ZNF483: variants seen among roughly 807,000 people sequenced by gnomAD.
ZNF483 encodes zinc finger protein 483.
A neutral mutation model predicts 28.6 loss-of-function variants in ZNF483; 9 were observed. The ratio of observed to expected loss-of-function variants is 0.32; its 90% CI spans 0.19 to 0.55. The LOEUF (loss-of-function observed/expected upper bound fraction) is 0.55, where lower values mean the gene tolerates loss of function less well. ZNF483 is among the 20% of genes least tolerant of loss of function. The pLI is 0.93. For missense variants in ZNF483, 675 were observed against 871.7 expected (o/e 0.77, Z 2.84); for synonymous variants, 322 against 306.2 (o/e 1.05, Z -0.54).
chr9:111,566,447 A>G (rs1165173978), intron 5 of ZNF483, among the ~76,000 whole-genome samples: 1 of 152,220 alleles, frequency 6.6e-6, no homozygotes, highest in Non-Finnish European at 1.5e-5. Context: ...TGGAGGAGCA[A>G]TCTATTCTTT....
rs769215025 is a variant in ZNF483, at chr9:111,533,725, G to A, written c.502-14G>A. On this transcript the variant is annotated splice_polypyrimidine_tract_variant and intron_variant, in intron 3 of 5. Coordinates refer to ENST00000309235, the MANE Select transcript of ZNF483 (RefSeq NM_133464.5). ...GGGAATAATCCAATACAAAAGAGCT[G>A]TTTGGTGTTCTAGGAATCTATAACA... is the stretch of plus-strand genomic sequence containing the variant. 1.0e-5 allele frequency: 16 copies of A among 1,547,584 alleles called. No homozygotes were observed. Among genetic ancestry groups the A allele is most frequent in the Non-Finnish European group, 1.4e-5 (16 of 1,158,376 alleles).
intron 5 of ZNF483, among the ~76,000 whole-genome samples, chr9:111,560,932 G>A (rs1828267166): frequency 1.6e-5 from 2 of 127,568 alleles, no homozygotes; most frequent in South Asian, 2.5e-4. Flanking sequence ...AACAGAGTGA[G>A]ACTCCATCTA....
rs577899621 is a variant in ZNF483 at position 111,525,482 on chromosome 9, G to A, written c.-129+220G>A. 4.4e-4 allele frequency among the ~76,000 whole-genome samples: 61 copies of A among 139,782 alleles called. 2 individuals carry two copies. The Middle Eastern group carries it at 0.017, about 40-fold the overall frequency. 91.7% of individuals were successfully genotyped at this position (139,782 alleles called of 152,430 possible). On this transcript the variant is annotated intron_variant, in intron 1 of 5. Transcript: ENST00000309235. ...TTGGGCACTGTTGACATTTTGGGCG[G>A]GATAATGCCTTGTTTTGTTTGTGGT...
At position 111,530,814 on chromosome 9, in the gene ZNF483, TAA is replaced by T. The variant is rs560664019; in HGVS notation, c.413-60_413-59del. 194 of 195,838 alleles carry T rather than the reference TAA, an allele frequency of 9.9e-4. 6 individuals are homozygous for T. Among genetic ancestry groups the T allele is most frequent in the Non-Finnish European group, 1.4e-3 (130 of 94,060 alleles). 12.1% of individuals were successfully genotyped at this position (195,838 alleles called of 1,614,324 possible). A position where few individuals can be genotyped will look rare whatever the true frequency, so the allele number is the denominator to read the frequency against. On this transcript the variant is annotated intron_variant, in intron 2 of 5. Transcript: ENST00000309235. ...ATATATATATATACATATATATATA[TAA>T]GATTTTTAGTCTGAGGAATCTGTAT...
chr9:111,572,595 A>C (rs1192093914), intron 5 of ZNF483, among the ~76,000 whole-genome samples: 2 of 151,646 alleles, frequency 1.3e-5, no homozygotes, highest in South Asian at 2.1e-4. Flanking sequence ...GTCTCAAAAC[A>C]AAACAAAAAA....
At chr9:111,565,987 G>C (rs917560528) in intron 5 of ZNF483, among the ~76,000 whole-genome samples, 6 of 152,076 alleles carry the variant, frequency 3.9e-5, no homozygotes, top group Admixed American at 6.6e-5. Context: ...TGAGGCAGGA[G>C]AATCACTTGA....
intron 3 of ZNF483, among the ~76,000 whole-genome samples, chr9:111,531,882 C>G (rs771824688): frequency 3.3e-5 from 5 of 152,186 alleles, no homozygotes; most frequent in Admixed American, 6.5e-5. Flanking sequence ...TGGGGTCTTG[C>G]TGTGTTGCCC....
In ZNF483 at chr9:111,549,644, G is replaced by A; in HGVS notation, c.*6474G>A. On this transcript the variant is annotated 3_prime_UTR_variant, in exon 6 of 6. Transcript: ENST00000309235. ...CTCTTCTGGGGCAGCGGTCGTGGTGGTGGTGGCAGCGGCAGCAGGGTTCCC... is the reference window on the plus strand; with the variant it reads ...CTCTTCTGGGGCAGCGGTCGTGGTGATGGTGGCAGCGGCAGCAGGGTTCCC... 4.0e-6 allele frequency: 5 copies of A among 1,256,590 alleles called. No homozygotes were observed. Among genetic ancestry groups the A allele is most frequent in the Non-Finnish European group, 5.6e-6 (5 of 899,150 alleles). 77.8% of individuals were successfully genotyped at this position (1,256,590 alleles called of 1,614,324 possible).
chr9:111,536,494 C>T (rs551043141), intron 5 of ZNF483, among the ~76,000 whole-genome samples: 55 of 152,276 alleles, frequency 3.6e-4, no homozygotes, highest in Non-Finnish European at 5.4e-4. Flanking sequence ...CACAGCACTC[C>T]AGCCTGGGCG....
rs1217236161 is a variant in ZNF483, at chr9:111,551,151, C to G, written c.*7981C>G. Among the ~76,000 whole-genome samples the G allele has an allele frequency of 7.2e-5, 11 of 152,068 alleles. No homozygotes were observed. The highest frequency in any genetic ancestry group is 7.2e-4 in the Admixed American group (11 of 15,272). On this transcript the variant is annotated 3_prime_UTR_variant, in exon 6 of 6. Coordinates refer to ENST00000309235, the MANE Select transcript of ZNF483 (RefSeq NM_133464.5). Reference sequence around the variant, plus strand: ...TGTATTTTACTTCACCCAATATATCCATAATATTATTTCATCATGTAATCA... The same window carrying G: ...TGTATTTTACTTCACCCAATATATCGATAATATTATTTCATCATGTAATCA...
At position 111,550,640 on chromosome 9, in the gene ZNF483, G is replaced by T. The variant is rs560227179; in HGVS notation, c.*7470G>T. Among the ~76,000 whole-genome samples, 4 of 152,266 alleles carry T rather than the reference G, an allele frequency of 2.6e-5. No individual in the cohort carries two copies. Among genetic ancestry groups the T allele is most frequent in the African/African-American group, 9.6e-5 (4 of 41,566 alleles). ...ATGTAATTATTATCTAGGTGGAGAG[G>T]TGGATTCCTGGGCCACTCTATCCAT... On this transcript the variant is annotated 3_prime_UTR_variant, in exon 6 of 6. Transcript: ENST00000309235.
intron 5 of ZNF483, among the ~76,000 whole-genome samples, chr9:111,561,004 GAGAGA>G (rs1828280546): frequency 1.0e-5 from 1 of 99,206 alleles, no homozygotes; most frequent in Non-Finnish European, 2.0e-5. Context: ...GAGAGAGAGA[GAGAGA>G]GAGAGAGAGG....
rs1235015821 is a variant in ZNF483 at position 111,553,034 on chromosome 9, A to C, written c.*9864A>C. Among the ~76,000 whole-genome samples the C allele has an allele frequency of 5.3e-5, 8 of 152,184 alleles. No homozygotes were observed. The highest frequency in any genetic ancestry group is 5.2e-4 in the Admixed American group (8 of 15,276). Reference sequence around the variant, plus strand: ...CAGGTTTACAAACTCAGACCCTTTTAAAAGTTGTTTAAATTGTTTTGTTAG... The same window carrying C: ...CAGGTTTACAAACTCAGACCCTTTTCAAAGTTGTTTAAATTGTTTTGTTAG... On this transcript the variant is annotated 3_prime_UTR_variant, in exon 6 of 6. Coordinates refer to ENST00000309235, the MANE Select transcript of ZNF483 (RefSeq NM_133464.5).
In ZNF483 at chr9:111,534,143, C is replaced by G. The variant is rs1827419137; in HGVS notation, c.629-118C>G. On this transcript the variant is annotated intron_variant, in intron 4 of 5. Transcript: ENST00000309235. ...TTGTCTCAAGTTCCAGTATTTATGT[C>G]TGTGTATTTTGGTAGCATGTTTTTA... 4 of 896,516 alleles carry G rather than the reference C, an allele frequency of 4.5e-6. No homozygotes were observed. In the Admixed American group the frequency reaches 9.2e-5, roughly 21 times the overall value. The allele number at this position is 896,516 out of a possible 1,614,324, so 55.5% of individuals were successfully genotyped here.
rs1409354454 is a variant in ZNF483 at position 111,552,985 on chromosome 9, G to A, written c.*9815G>A. Reference sequence around the variant, plus strand: ...TCTAAGGTTCTTTGTAGATGCATGTGTAAGAAGCTATTTTATAGCTTGCCA... The same window carrying A: ...TCTAAGGTTCTTTGTAGATGCATGTATAAGAAGCTATTTTATAGCTTGCCA... On this transcript the variant is annotated 3_prime_UTR_variant, in exon 6 of 6. Transcript: ENST00000309235. Among the ~76,000 whole-genome samples, 1 of 152,120 alleles carries A rather than the reference G, an allele frequency of 6.6e-6. No individual in the cohort carries two copies. The highest frequency in any genetic ancestry group is 1.5e-5 in the Non-Finnish European group (1 of 68,016).
Position 111,527,536 on chromosome 9 carries a change from T to G in ZNF483, c.141T>G (p.Asp47Glu), listed in dbSNP as rs1370530070. 1 of 1,614,266 alleles carries G rather than the reference T, an allele frequency of 6.2e-7. No homozygotes were observed. Residue 47 changes from aspartate to glutamate, a missense_variant, in exon 2 of 6, where the codon GAT becomes GAG. Transcript: ENST00000309235. ...QEAILRGNAA[D>E]AESFRQRFRW... ...CTATTTTAAGAGGAAATGCTGCTGA[T>G]GCAGAGTCTTTCAGACAGAGGTTTA... is the stretch of plus-strand genomic sequence containing the variant.
At chr9:111,537,329 C>T (rs1037965086) in intron 5 of ZNF483, among the ~76,000 whole-genome samples, 4 of 151,774 alleles carry the variant, frequency 2.6e-5, no homozygotes, top group African/African-American at 7.3e-5. Context: ...TCAAGTGATT[C>T]TGCTGCCTCA....
chr9:111,555,524 C>G (rs1828096165), downstream of ZNF483, among the ~76,000 whole-genome samples: 1 of 152,084 alleles, frequency 6.6e-6, no homozygotes, highest in South Asian at 2.1e-4. Context: ...CTACCTGAGA[C>G]TGGGTAATTT....
chr9:111,542,206 C>T lies in ZNF483; in HGVS notation c.1271C>T (p.Ala424Val), dbSNP rs1827690713. 6.2e-7 allele frequency: 1 copy of T among 1,613,902 alleles called. No homozygotes were observed. The highest frequency in any genetic ancestry group is 1.7e-5 in the Admixed American group (1 of 59,996). The change falls in exon 6 of 6, where the codon GCA (alanine) becomes GTA (valine). Residue 424 changes from alanine to valine, a missense_variant. Ala to Val is a moderately conservative substitution (Grantham distance 64, BLOSUM62 0). This residue lies in a region of ZNF483 where 525 missense variants were observed against 581.8 expected (regional missense o/e 0.90). Transcript: ENST00000309235. The surrounding 1 kb of genome is among the most constrained non-coding windows in gnomAD (Gnocchi z 6.2). The stretch of plus-strand genomic sequence containing the variant: ...TGTCGGAAAGATTCATGTCAAGAAG[C>T]AGCCTTAAATAAAGATGAGGGAAAT... ...EKCRKDSCQE[A>V]ALNKDEGNES...
Sources: gnomAD v4.1 joint callset for allele counts (sites outside exome capture counted in the v4.1 genomes callset) on GRCh38, gnomAD v4.1.1 for gene constraint, gnomAD v4.1.1 regional missense constraint, Gnocchi (gnomAD v3.1) non-coding constraint, MANE v1.5 for transcripts, NCBI Gene and HGNC (gene_info 2026-07-23, HGNC 2026-07-21) for gene names.